The following PAG1 variants were observed in gnomAD, a reference collection of about 807,000 sequenced individuals.
PAG1 encodes the protein phosphoprotein membrane anchor with glycosphingolipid microdomains 1, also known as phosphoprotein associated with glycosphingolipid-enriched microdomains 1.
A neutral mutation model predicts 31.7 loss-of-function variants in PAG1; 23 were observed. The observed-to-expected ratio is 0.73, with a 90% CI of 0.52 to 1.03. The LOEUF is 1.03. Among genes scored for constraint, PAG1 ranks in the 50% least tolerant of loss-of-function variants. The pLI, the probability that PAG1 is intolerant of heterozygous loss-of-function variation, is 0.00. For missense variants in PAG1, 473 were observed against 540.7 expected, an observed-to-expected ratio of 0.87 and a Z score of 1.24; for synonymous variants, 214 against 210.3, an observed-to-expected ratio of 1.02 and a Z score of -0.15.
intron 3 of PAG1, among the ~76,000 whole-genome samples, chr8:81,011,248 T>G (rs886550136): frequency 6.6e-6 from 1 of 152,234 alleles, no homozygotes; most frequent in Non-Finnish European, 1.5e-5. Context: ...CATCTTGAAT[T>G]GTAGCTCCCA....
At chr8:81,053,333 A>G (rs1808763138) in intron 2 of PAG1, among the ~76,000 whole-genome samples, 1 of 152,250 alleles carries the variant, frequency 6.6e-6, no homozygotes. Context: ...CATATATTTG[A>G]GTAATGGCTA....
rs2130482272 is a variant in PAG1 at position 80,990,495 on chromosome 8, T to C, written c.177+984A>G. Among the ~76,000 whole-genome samples, 1 of 152,304 alleles carries C rather than the reference T, an allele frequency of 6.6e-6. No individual in the cohort carries two copies. On this transcript the variant is annotated intron_variant, in intron 5 of 8. Transcript: ENST00000220597. This position sits in a 1 kb window ranked among gnomAD's most constrained non-coding sequence, Gnocchi z 5.1. ...CCTGAACAAGAAGCATCTTCTGTCT[T>C]AGCACTGCCACAGGACTCAGGGCAG...
intron 2 of PAG1, among the ~76,000 whole-genome samples, chr8:81,057,395 A>G (rs1316617411): frequency 6.6e-6 from 1 of 152,128 alleles, no homozygotes; most frequent in East Asian, 1.9e-4. Context: ...CAGCCATAAA[A>G]AAGGATGAGT....
chr8:81,020,039 T>C (rs1808136144), intron 3 of PAG1, among the ~76,000 whole-genome samples: 1 of 152,198 alleles, frequency 6.6e-6, no homozygotes, highest in Non-Finnish European at 1.5e-5. Context: ...GACTGCCCTA[T>C]TGAATTTTGG....
intron 2 of PAG1, among the ~76,000 whole-genome samples, chr8:81,057,911 T>C (rs1808854194): frequency 6.6e-6 from 1 of 152,216 alleles, no homozygotes; most frequent in Non-Finnish European, 1.5e-5. Flanking sequence ...GCCATTGTTT[T>C]ACATATCAAT....
Position 80,985,272 on chromosome 8 carries a change from C to T in PAG1, c.380G>A (p.Cys127Tyr), listed in dbSNP as rs201579186. ...DSQDSTGKPK[C>Y]HQSRELPRIP... is the part of the protein sequence containing the mutation. Reference sequence around the variant, plus strand: ...TCTGGGCAGCTCCCGACTCTGATGACATTTTGGTTTCCCTGTGCTGTCCTG... The same window carrying T: ...TCTGGGCAGCTCCCGACTCTGATGATATTTTGGTTTCCCTGTGCTGTCCTG... Residue 127 changes from cysteine to tyrosine, a missense_variant, in exon 7 of 9, where the codon TGT becomes TAT. Physicochemically the swap from Cys to Tyr is radical, Grantham distance 194. Coordinates refer to ENST00000220597, the MANE Select transcript of PAG1 (RefSeq NM_018440.4). 1 of 1,614,198 alleles carries T rather than the reference C, an allele frequency of 6.2e-7. No individual in the cohort carries two copies. Among genetic ancestry groups the T allele is most frequent in the African/African-American group, 1.3e-5 (1 of 75,044 alleles).
chr8:81,077,768 T>C (rs552990477), intron 1 of PAG1, among the ~76,000 whole-genome samples: 4 of 152,346 alleles, frequency 2.6e-5, no homozygotes, highest in South Asian at 2.1e-4. Context: ...GAAAATAATA[T>C]GTAAATTTTG....
rs555613066 is a variant in PAG1 at position 81,023,594 on chromosome 8, GGAGAGAGAGA to G, written c.-81+6392_-81+6401del. ...TGTCAGCTTATCAGGAACAATGTAA[GGAGAGAGAGA>G]GAGAGAAAGAGAGAGAAAAAAAGGG... On this transcript the variant is annotated intron_variant, in intron 3 of 8. Transcript: ENST00000220597. 1.7e-3 allele frequency among the ~76,000 whole-genome samples: 254 copies of G among 150,812 alleles called. 1 individual carries two copies. Among genetic ancestry groups the G allele is most frequent in the African/African-American group, 5.7e-3 (234 of 41,096 alleles).
intron 2 of PAG1, among the ~76,000 whole-genome samples, chr8:81,060,489 C>G (rs546457266): frequency 7.9e-5 from 12 of 152,236 alleles, no homozygotes; most frequent in African/African-American, 2.4e-4. Context: ...AGGCAATAAT[C>G]CATTCTTTTA....
chr8:81,011,969 G>T (rs1807993870), intron 3 of PAG1, among the ~76,000 whole-genome samples: 1 of 152,170 alleles, frequency 6.6e-6, no homozygotes, highest in African/African-American at 2.4e-5. Context: ...GTCTGTTGAG[G>T]TTTCTTTAGA....
chr8:81,068,519 G>A (rs1028727004), intron 2 of PAG1, among the ~76,000 whole-genome samples: 2 of 152,200 alleles, frequency 1.3e-5, no homozygotes, highest in Non-Finnish European at 2.9e-5. Flanking sequence ...AAAATAACAA[G>A]CAAAGCATTA....
chr8:80,993,314 A>C lies in PAG1; in HGVS notation c.-80-7T>G. On this transcript the variant is annotated splice_polypyrimidine_tract_variant and splice_region_variant and intron_variant, in intron 3 of 8. Coordinates refer to ENST00000220597, the MANE Select transcript of PAG1 (RefSeq NM_018440.4). ...GGAGGCAGAGAGCTGTGTCCTGCAA[A>C]GAGACCAGTGCGTTTGGAGAGTAAT... 7.4e-7 allele frequency: 1 copy of C among 1,351,674 alleles called. No individual in the cohort carries two copies. 83.7% of individuals were successfully genotyped at this position (1,351,674 alleles called of 1,614,324 possible).
chr8:81,110,477 GAGAA>G (rs1252944874), intron 1 of PAG1, among the ~76,000 whole-genome samples: 1 of 152,180 alleles, frequency 6.6e-6, no homozygotes, highest in Middle Eastern at 3.2e-3. Flanking sequence ...GGGAACAGCT[GAGAA>G]AGAAAGGTTA....
intron 3 of PAG1, among the ~76,000 whole-genome samples, chr8:81,015,102 T>C (rs181266382): frequency 6.6e-6 from 1 of 152,220 alleles, no homozygotes; most frequent in African/African-American, 2.4e-5. Context: ...TATTTTTTGA[T>C]CCAGTTCACA....
intron 2 of PAG1, among the ~76,000 whole-genome samples, chr8:81,042,724 T>G (rs1808574819): frequency 1.3e-5 from 2 of 151,786 alleles, no homozygotes; most frequent in Admixed American, 6.6e-5. Flanking sequence ...CAAGTAAAGG[T>G]GTTAATGAAG....
chr8:81,066,793 T>C (rs1809015817), intron 2 of PAG1, among the ~76,000 whole-genome samples: 1 of 152,200 alleles, frequency 6.6e-6, no homozygotes, highest in African/African-American at 2.4e-5. Flanking sequence ...TGATACTCTG[T>C]GAATCTAGAC....
chr8:81,041,459 C>T (rs1322864442), intron 2 of PAG1, among the ~76,000 whole-genome samples: 1 of 152,170 alleles, frequency 6.6e-6, no homozygotes, highest in Non-Finnish European at 1.5e-5. Flanking sequence ...GGAACCAACA[C>T]CAGGGAAGTA....
At chr8:81,044,445 C>G (rs1289075764) in intron 2 of PAG1, among the ~76,000 whole-genome samples, 1 of 152,146 alleles carries the variant, frequency 6.6e-6, no homozygotes, top group Non-Finnish European at 1.5e-5. Flanking sequence ...CTGCCACAAG[C>G]CAAGGAATGC....
intron 1 of PAG1, among the ~76,000 whole-genome samples, chr8:81,096,086 T>C (rs1349788311): frequency 6.6e-6 from 1 of 152,240 alleles, no homozygotes. Flanking sequence ...CTCTGAATCC[T>C]TGTTATTAAC....
Sources: allele counts gnomAD v4.1 joint callset (sites outside exome capture counted in the v4.1 genomes callset), GRCh38; gene constraint gnomAD v4.1.1; non-coding constraint Gnocchi (gnomAD v3.1); transcripts MANE v1.5; gene names NCBI Gene and HGNC (gene_info 2026-07-23, HGNC 2026-07-21).